OTUD3: variants seen among roughly 807,000 people sequenced by gnomAD.
OTUD3 encodes the protein OTU deubiquitinase 3.
OTUD3 carries 24 observed loss-of-function variants against 46.2 expected under a neutral mutation model. The ratio of observed to expected loss-of-function variants is 0.52; its 90% CI spans 0.38 to 0.73. The LOEUF is 0.73. Ranked by LOEUF, OTUD3 falls within the 30% of genes least tolerant of loss-of-function variation. The probability of loss-of-function intolerance (pLI) is 0.00; values close to 1 mark genes in which losing one functional copy is unlikely to be tolerated. For synonymous variants in OTUD3, 189 were observed against 195.4 expected, an observed-to-expected ratio of 0.97 and a Z score of 0.27; for missense variants, 455 against 523.3, an observed-to-expected ratio of 0.87 and a Z score of 1.27.
chr1:19,885,469 C>T (rs1228326275), intron 1 of OTUD3, among the ~76,000 whole-genome samples: 1 of 152,122 alleles, frequency 6.6e-6, no homozygotes, highest in African/African-American at 2.4e-5. Flanking sequence ...CTTCTACCCC[C>T]CTCAGACGGA....
Position 19,894,408 on chromosome 1 carries a change from T to C in OTUD3, c.411T>C (p.Asp137=). ...LAKPGTFAGN[D]AIVAFARNHQ... is the part of the protein sequence containing the mutation. The stretch of plus-strand genomic sequence containing the variant: ...AGCCTGGTACTTTTGCTGGCAATGA[T>C]GCAATTGTAGCCTTTGCAAGAAATC... Residue 137 remains aspartate, a synonymous_variant, in exon 3 of 8, where the codon GAT becomes GAC. Coordinates refer to ENST00000375120, the MANE Select transcript of OTUD3 (RefSeq NM_015207.2). 1 of 1,610,412 alleles carries C rather than the reference T, an allele frequency of 6.2e-7. No individual in the cohort carries two copies. The highest frequency in any genetic ancestry group is 8.5e-7 in the Non-Finnish European group (1 of 1,178,182).
In OTUD3 at chr1:19,882,852, C is replaced by G; in HGVS notation, c.221+118C>G. 4.3e-6 allele frequency: 4 copies of G among 921,104 alleles called. 1 individual carries two copies. The South Asian group carries it at 1.1e-4, about 26-fold the overall frequency. 57.1% of individuals were successfully genotyped at this position (921,104 alleles called of 1,614,324 possible). ...ATTCGGGCGGCCCGGGCGCCTCCCG[C>G]GAGCCAGCCACGCTCCGAGTGCAGG... On this transcript the variant is annotated intron_variant, in intron 1 of 7. Transcript: ENST00000375120.
intron 1 of OTUD3, among the ~76,000 whole-genome samples, chr1:19,888,798 T>TG (rs1002657936): frequency 6.6e-6 from 1 of 152,216 alleles, no homozygotes; most frequent in Non-Finnish European, 1.5e-5. Context: ...TGTTTCTGTG[T>TG]GTTTTCTTGG....
intron 4 of OTUD3, among the ~76,000 whole-genome samples, chr1:19,898,374 T>C (rs2045544122): frequency 6.6e-6 from 1 of 152,212 alleles, no homozygotes; most frequent in Non-Finnish European, 1.5e-5. Flanking sequence ...TTTCCATTAA[T>C]TTAATGCATT....
At chr1:19,893,207 G>C (rs2045472288) in intron 2 of OTUD3, among the ~76,000 whole-genome samples, 1 of 152,184 alleles carries the variant, frequency 6.6e-6, no homozygotes, top group Non-Finnish European at 1.5e-5. Context: ...CGAGAACACA[G>C]TCCTTGCATG....
intron 4 of OTUD3, among the ~76,000 whole-genome samples, chr1:19,899,429 A>G (rs1008315184): frequency 1.3e-5 from 2 of 152,216 alleles, no homozygotes; most frequent in South Asian, 2.1e-4. Context: ...GATTTAATTC[A>G]TGGTAGTACA....
chr1:19,889,258 T>C (rs796492158), intron 1 of OTUD3, among the ~76,000 whole-genome samples: 4 of 151,830 alleles, frequency 2.6e-5, no homozygotes, highest in African/African-American at 9.7e-5. Context: ...GTTTTTAATT[T>C]ATAGAAGCTG....
intron 6 of OTUD3, among the ~76,000 whole-genome samples, chr1:19,905,736 C>T (rs1436429759): frequency 6.6e-6 from 1 of 151,672 alleles, no homozygotes; most frequent in Non-Finnish European, 1.5e-5. Context: ...GCGAGACTCC[C>T]TCTCAAAAAA....
At chr1:19,906,642 A>G (rs761390322) in intron 7 of OTUD3, 26 bp downstream of exon 7, 51 of 1,576,016 alleles carry the variant, frequency 3.2e-5, no homozygotes, top group Non-Finnish European at 4.2e-5. Flanking sequence ...TTGAATGGGC[A>G]GGTGGTGGGC....
In OTUD3 at chr1:19,904,351, G is replaced by GCTGTCCAGA. The variant is rs754753341; in HGVS notation, c.691_692insCTGTCCAGA (p.Glu231delinsAlaValGlnLys). On this transcript the variant is annotated protein_altering_variant, in exon 5 of 8. Transcript: ENST00000375120. ...GGACTCTGAAGACGACCTGAGAGAT[G>GCTGTCCAGA]AAGTAGAGGATGCTGTCCAGAAAGT... The GCTGTCCAGA allele has an allele frequency of 6.2e-7, 1 of 1,613,074 alleles. No individual in the cohort carries two copies. Among genetic ancestry groups the GCTGTCCAGA allele is most frequent in the Admixed American group, 1.7e-5 (1 of 59,860 alleles).
chr1:19,900,903 GGTTTTTTTTTTT>G (rs1197382047), intron 4 of OTUD3, among the ~76,000 whole-genome samples: 7 of 148,612 alleles, frequency 4.7e-5, no homozygotes, highest in Admixed American at 1.3e-4. Flanking sequence ...ATCCTATTGA[GGTTTTTTTTTTT>G]GTTTTTTTTT....
chr1:19,895,544 GCA>G (rs1481595787), intron 3 of OTUD3, among the ~76,000 whole-genome samples: 1 of 152,108 alleles, frequency 6.6e-6, no homozygotes. Flanking sequence ...TTTGTCCCTG[GCA>G]CAGTGTCCTT....
rs1400126100 is a variant in OTUD3 at position 19,897,564 on chromosome 1, G to A, written c.508G>A (p.Val170Met). 6.8e-6 allele frequency: 11 copies of A among 1,614,044 alleles called. No individual in the cohort carries two copies. Among genetic ancestry groups the A allele is most frequent in the Non-Finnish European group, 9.3e-6 (11 of 1,179,980 alleles). The change falls in exon 4 of 8, where the codon GTG (valine) becomes ATG (methionine). Residue 170 changes from valine to methionine, a missense_variant. Transcript: ENST00000375120. ...GATTCGTGGTACAGAGAAAAGCAGC[G>A]TGAGGGAGTTACACATCGCATATCG... ...WQIRGTEKSS[V>M]RELHIAYRYG...
At position 19,910,995 on chromosome 1, in the gene OTUD3, A is replaced by G. The variant is rs2045726563; in HGVS notation, c.*3249A>G. On this transcript the variant is annotated 3_prime_UTR_variant, in exon 8 of 8. Transcript: ENST00000375120. ...GACTCTGCCTGGGTTTTACTGGGTC[A>G]GCATAGAATGCTATCAGTTTACCTC... 1 of 152,392 alleles carries G rather than the reference A, an allele frequency of 6.6e-6. No individual in the cohort carries two copies. Among genetic ancestry groups the G allele is most frequent in the Admixed American group, 6.5e-5 (1 of 15,290 alleles). 9.4% of individuals were successfully genotyped at this position (152,392 alleles called of 1,614,324 possible).
chr1:19,904,909 C>A lies in OTUD3; in HGVS notation c.757C>A (p.Gln253Lys). ...TGGATAGGATTTTAATTTAATAGTCCAGAACCTGGAAGCTGAAAATTATAA... is the reference window on the plus strand; with the variant it reads ...TGGATAGGATTTTAATTTAATAGTCAAGAACCTGGAAGCTGAAAATTATAA... Reference protein sequence around the residue: ...TGCSDFNLIVQNLEAENYNIE... With the variant: ...TGCSDFNLIVKNLEAENYNIE... The change falls in exon 6 of 8, where the codon CAG becomes AAG. Residue 253 changes from glutamine to lysine, a missense_variant. Physicochemically the swap from Gln to Lys is moderately conservative, Grantham distance 53 (BLOSUM62 1). Coordinates refer to ENST00000375120, the MANE Select transcript of OTUD3 (RefSeq NM_015207.2). 1 of 1,572,608 alleles carries A rather than the reference C, an allele frequency of 6.4e-7. No homozygotes were observed. Among genetic ancestry groups the A allele is most frequent in the Admixed American group, 1.7e-5 (1 of 58,952 alleles).
intron 4 of OTUD3, among the ~76,000 whole-genome samples, chr1:19,899,046 A>G (rs113985555): frequency 0.28 from 42,713 of 152,110 alleles, 6,447 homozygotes; most frequent in Non-Finnish European, 0.35. Context: ...CCTGGGCTCA[A>G]GTGATCCTCC....
At chr1:19,896,651 C>T (rs1398643168) in intron 3 of OTUD3, among the ~76,000 whole-genome samples, 1 of 152,140 alleles carries the variant, frequency 6.6e-6, no homozygotes, top group East Asian at 1.9e-4. Flanking sequence ...CAGTATCTTA[C>T]TATGTGTGAT....
intron 2 of OTUD3, among the ~76,000 whole-genome samples, chr1:19,891,909 A>T (rs1445860630): frequency 6.6e-6 from 1 of 152,254 alleles, no homozygotes; most frequent in African/African-American, 2.4e-5. Context: ...AGCAGTTTAC[A>T]AATTAAATGT....
Position 19,904,332 on chromosome 1 carries a change from T to C in OTUD3, c.672T>C (p.Ser224=), listed in dbSNP as rs948016728. The C allele has an allele frequency of 6.2e-7, 1 of 1,612,794 alleles. No homozygotes were observed. Among genetic ancestry groups the C allele is most frequent in the Non-Finnish European group, 8.5e-7 (1 of 1,179,144 alleles). ...AGATCAAGACAAAGGGAATGGACTC[T>C]GAAGACGACCTGAGAGATGAAGTAG... ...REKIKTKGMD[S]EDDLRDEVED... Residue 224 remains serine, a synonymous_variant, in exon 5 of 8, where the codon TCT becomes TCC. Coordinates refer to ENST00000375120, the MANE Select transcript of OTUD3 (RefSeq NM_015207.2).
Sources: allele counts gnomAD v4.1 joint callset (sites outside exome capture counted in the v4.1 genomes callset), GRCh38; gene constraint gnomAD v4.1.1; transcripts MANE v1.5; gene names NCBI Gene and HGNC (gene_info 2026-07-23, HGNC 2026-07-21).